The following SLFN12L variants were observed in gnomAD, a reference collection of about 807,000 sequenced individuals.
SLFN12L encodes schlafen family member 12 like.
In SLFN12L, 34 loss-of-function variants were observed where a neutral mutation model predicts 34.8. The ratio of observed to expected loss-of-function variants is 0.98; its 90% CI spans 0.74 to 1.30. The LOEUF (loss-of-function observed/expected upper bound fraction) is 1.30. Among genes scored for constraint, SLFN12L ranks in the 50% most tolerant of loss-of-function variants. SLFN12L has a pLI of 0.00. For synonymous variants in SLFN12L, 259 were observed against 247.5 expected (o/e 1.05, Z -0.44); for missense variants, 703 against 696.2 (o/e 1.01, Z -0.11).
At chr17:35,497,752 A>C (rs1915140673) in intron 2 of SLFN12L, among the ~76,000 whole-genome samples, 2 of 152,256 alleles carry the variant, frequency 1.3e-5, no homozygotes, top group Non-Finnish European at 2.9e-5. Flanking sequence ...AAGATTCAAA[A>C]GCATTGTGTA....
chr17:35,516,416 C>T (rs1412474092), intron 2 of SLFN12L, among the ~76,000 whole-genome samples: 1 of 152,202 alleles, frequency 6.6e-6, no homozygotes, highest in Admixed American at 6.5e-5. Context: ...TTCTGGAATA[C>T]GTGTTTAAGA....
intron 2 of SLFN12L, among the ~76,000 whole-genome samples, chr17:35,502,023 G>A (rs73281457): frequency 6.6e-6 from 1 of 151,958 alleles, no homozygotes; most frequent in African/African-American, 2.4e-5. Flanking sequence ...AGCAGAGAGA[G>A]AGGAAGAGAC....
At chr17:35,499,253 T>C (rs1259114738) in intron 2 of SLFN12L, 2 of 851,742 alleles carry the variant, frequency 2.3e-6, no homozygotes, top group Non-Finnish European at 3.4e-6. Flanking sequence ...ACACGACATA[T>C]CTTAGAATGG....
intron 1 of SLFN12L, among the ~76,000 whole-genome samples, chr17:35,525,881 C>T (rs1455063493): frequency 1.3e-5 from 2 of 152,252 alleles, no homozygotes; most frequent in East Asian, 3.9e-4. Context: ...TGTAAATGGG[C>T]TAAATGCCCC....
intron 2 of SLFN12L, chr17:35,498,289 C>A (rs1011083015): frequency 2.5e-6 from 2 of 805,754 alleles, no homozygotes; most frequent in Non-Finnish European, 4.5e-6. Context: ...TACGTGGACT[C>A]AGACGGTCCC....
intron 2 of SLFN12L, among the ~76,000 whole-genome samples, chr17:35,484,910 C>G (rs1399407150): frequency 6.6e-6 from 1 of 152,194 alleles, no homozygotes; most frequent in Admixed American, 6.5e-5. Context: ...CATCTCCTTA[C>G]TAGACATAGG....
rs971879688 is a variant in SLFN12L, at chr17:35,468,461, C to G, written c.*6462G>C. On this transcript the variant is annotated 3_prime_UTR_variant, in exon 5 of 5. Coordinates refer to ENST00000628453, the MANE Select transcript of SLFN12L (RefSeq NM_001363830.2). The stretch of plus-strand genomic sequence containing the variant: ...AGCTTACCGTCAGAGATGAATTTAC[C>G]CCTGCACCAGACATGGCGTCACCCT... 6.6e-6 allele frequency among the ~76,000 whole-genome samples: 1 copy of G among 152,128 alleles called. No homozygotes were observed. Among genetic ancestry groups the G allele is most frequent in the Non-Finnish European group, 1.5e-5 (1 of 68,026 alleles).
At chr17:35,515,747 G>A (rs1177765726) in intron 2 of SLFN12L, among the ~76,000 whole-genome samples, 2 of 145,568 alleles carry the variant, frequency 1.4e-5, no homozygotes, top group East Asian at 2.1e-4. Flanking sequence ...AGGTTCAAGC[G>A]ATTCTCCTGA....
At chr17:35,505,769 A>G (rs952877191) in intron 2 of SLFN12L, among the ~76,000 whole-genome samples, 4 of 152,160 alleles carry the variant, frequency 2.6e-5, no homozygotes, top group African/African-American at 9.7e-5. Flanking sequence ...AGAAGACGAG[A>G]AGCCCTGCTC....
intron 2 of SLFN12L, among the ~76,000 whole-genome samples, chr17:35,513,579 C>T (rs1028817495): frequency 2.0e-5 from 3 of 152,166 alleles, no homozygotes; most frequent in Non-Finnish European, 4.4e-5. Flanking sequence ...ACCAAGTATC[C>T]TTACTGTCGT....
At chr17:35,490,088 CT>C (rs1914772292) in intron 2 of SLFN12L, 1 of 1,606,850 alleles carries the variant, frequency 6.2e-7, no homozygotes, top group Non-Finnish European at 8.5e-7. Flanking sequence ...CGGCCCCCTC[CT>C]CCCCAGTGCC....
chr17:35,511,404 A>G (rs1290269507), intron 2 of SLFN12L, among the ~76,000 whole-genome samples: 2 of 152,238 alleles, frequency 1.3e-5, no homozygotes, highest in African/African-American at 4.8e-5. Flanking sequence ...TCAAATATTT[A>G]CTATGTACAC....
At chr17:35,486,045 A>G (rs1264451222) in intron 2 of SLFN12L, among the ~76,000 whole-genome samples, 2 of 152,218 alleles carry the variant, frequency 1.3e-5, no homozygotes, top group Admixed American at 6.5e-5. Context: ...GAAAAATGAC[A>G]TTGGTAATTT....
intron 4 of SLFN12L, among the ~76,000 whole-genome samples, chr17:35,477,743 G>A (rs1405026528): frequency 2.6e-5 from 4 of 152,082 alleles, no homozygotes; most frequent in African/African-American, 9.7e-5. Context: ...AGAAGTTCAA[G>A]TAGAAAGATG....
chr17:35,535,488 C>CT (rs772324342), intron 1 of SLFN12L, among the ~76,000 whole-genome samples: 2,032 of 139,424 alleles, frequency 0.015, 18 homozygotes, highest in Non-Finnish European at 0.021. Flanking sequence ...CGCACCCAGC[C>CT]TTTTTTTTTT....
intron 2 of SLFN12L, among the ~76,000 whole-genome samples, chr17:35,501,826 G>T (rs1456178059): frequency 6.6e-6 from 1 of 152,180 alleles, no homozygotes; most frequent in Non-Finnish European, 1.5e-5. Flanking sequence ...TAACTTGTAA[G>T]CCAGGGCACC....
chr17:35,498,442 G>T, intron 2 of SLFN12L: 1 of 1,310,670 alleles, frequency 7.6e-7, no homozygotes, highest in South Asian at 1.2e-5. Context: ...CAGTTTGGAC[G>T]ACTGCGGAAT....
At chr17:35,487,671 C>A (rs978079281) in intron 2 of SLFN12L, 39 of 1,510,128 alleles carry the variant, frequency 2.6e-5, no homozygotes, top group Non-Finnish European at 3.5e-5. Context: ...TCGTCTGTAC[C>A]TATTTGTATT....
At chr17:35,531,164 GATTA>G (rs1406430113) in intron 1 of SLFN12L, among the ~76,000 whole-genome samples, 3 of 152,202 alleles carry the variant, frequency 2.0e-5, no homozygotes, top group African/African-American at 4.8e-5. Context: ...CAATTTATTT[GATTA>G]ATTAACAAGA....
Sources: gnomAD v4.1 joint callset for allele counts (sites outside exome capture counted in the v4.1 genomes callset) on GRCh38, gnomAD v4.1.1 for gene constraint, MANE v1.5 for transcripts, NCBI Gene and HGNC (gene_info 2026-07-23, HGNC 2026-07-21) for gene names.